The following GALNT17 variants were observed in gnomAD, a reference collection of about 807,000 sequenced individuals.
GALNT17 encodes the protein polypeptide N-acetylgalactosaminyltransferase 17, also known as UDP-GalNAc:polypeptide N-acetylgalactosaminyltransferase-like 3.
GALNT17 carries 29 observed loss-of-function variants against 63.7 expected under a neutral mutation model. The ratio of observed to expected loss-of-function variants is 0.46; its 90% CI spans 0.34 to 0.62. The LOEUF (loss-of-function observed/expected upper bound fraction) is 0.62. GALNT17 is among the 20% of genes least tolerant of loss of function. The probability of loss-of-function intolerance (pLI) is 0.01; values close to 1 mark genes in which losing one functional copy is unlikely to be tolerated. For missense variants in GALNT17, 603 were observed against 799.6 expected, an observed-to-expected ratio of 0.75 and a Z score of 2.97; for synonymous variants, 305 against 318.3, an observed-to-expected ratio of 0.96 and a Z score of 0.45.
intron 5 of GALNT17, among the ~76,000 whole-genome samples, chr7:71,544,644 G>A (rs1788952085): frequency 6.6e-6 from 1 of 152,052 alleles, no homozygotes; most frequent in South Asian, 2.1e-4. Context: ...TTGCCTGGGG[G>A]GAGTAGTTGA....
At chr7:71,697,807 T>A (rs377483820) in intron 9 of GALNT17, among the ~76,000 whole-genome samples, 44 of 152,274 alleles carry the variant, frequency 2.9e-4, no homozygotes, top group Middle Eastern at 3.4e-3. Context: ...TTATTTAGAT[T>A]TTTTTTCTAG....
intron 3 of GALNT17, among the ~76,000 whole-genome samples, chr7:71,391,101 T>C (rs953818135): frequency 2.0e-5 from 3 of 152,024 alleles, no homozygotes; most frequent in South Asian, 2.1e-4. Flanking sequence ...TGGCTGGTGG[T>C]TGAAACTCAG....
intron 1 of GALNT17, among the ~76,000 whole-genome samples, chr7:71,242,276 T>TG (rs1790011706): frequency 8.6e-6 from 1 of 116,388 alleles, no homozygotes; most frequent in Non-Finnish European, 2.0e-5. Flanking sequence ...CTTTTTCTTT[T>TG]TTTTTTTTTT....
chr7:71,248,589 G>GT (rs60583544), intron 1 of GALNT17, among the ~76,000 whole-genome samples: 4,304 of 151,982 alleles, frequency 0.028, 206 homozygotes, highest in African/African-American at 0.098. Flanking sequence ...CATTTTCCTT[G>GT]TTTTTTTTCA....
intron 1 of GALNT17, among the ~76,000 whole-genome samples, chr7:71,217,145 G>T (rs10225364): frequency 0.49 from 60,678 of 123,488 alleles, 14,357 homozygotes; most frequent in East Asian, 0.64. Context: ...TTCGTGTTTT[G>T]TTTTTTTTTT....
chr7:71,189,799 C>G (rs970567661), intron 1 of GALNT17, among the ~76,000 whole-genome samples: 4 of 146,894 alleles, frequency 2.7e-5, no homozygotes, highest in African/African-American at 7.9e-5. Context: ...ATAAAATAAG[C>G]AAGAACCATT....
intron 5 of GALNT17, among the ~76,000 whole-genome samples, chr7:71,485,798 A>AC (rs1787899030): frequency 6.6e-6 from 1 of 152,152 alleles, no homozygotes; most frequent in African/African-American, 2.4e-5. Context: ...CATCCTCTGA[A>AC]ATCCATCAGT....
chr7:71,333,602 T>C (rs6460651), intron 1 of GALNT17, among the ~76,000 whole-genome samples: 98,425 of 151,960 alleles, frequency 0.65, 32,273 homozygotes, highest in African/African-American at 0.75. Flanking sequence ...AGTGCAGCTG[T>C]GGGATTTTTG....
At chr7:71,689,886 A>G (rs1791415354) in intron 9 of GALNT17, among the ~76,000 whole-genome samples, 1 of 152,232 alleles carries the variant, frequency 6.6e-6, no homozygotes, top group Non-Finnish European at 1.5e-5. Context: ...AGTTGAAGCT[A>G]AAGCTCATTT....
At chr7:71,342,733 A>G (rs1158248894) in intron 2 of GALNT17, among the ~76,000 whole-genome samples, 1 of 152,234 alleles carries the variant, frequency 6.6e-6, no homozygotes, top group Admixed American at 6.5e-5. Context: ...CTAAATCTAC[A>G]TCTTCAGTAG....
intron 1 of GALNT17, among the ~76,000 whole-genome samples, chr7:71,301,580 T>C (rs1358224271): frequency 2.0e-5 from 3 of 151,874 alleles, no homozygotes; most frequent in African/African-American, 7.3e-5. Flanking sequence ...ATAATTTCAG[T>C]TAAGTAAGAT....
At chr7:71,298,030 T>C (rs1370529800) in intron 1 of GALNT17, among the ~76,000 whole-genome samples, 5 of 152,176 alleles carry the variant, frequency 3.3e-5, no homozygotes, top group Admixed American at 2.6e-4. Context: ...GTATTTTCTT[T>C]TATTTTTTGA....
chr7:71,523,816 G>T lies in GALNT17; in HGVS notation c.963-47469G>T, dbSNP rs141274809. ...GAAAAGAAAGAAATACACATCCTCAGCCCCCAGATTAAGAAACTCTGGGCT... is the reference window on the plus strand; with the variant it reads ...GAAAAGAAAGAAATACACATCCTCATCCCCCAGATTAAGAAACTCTGGGCT... On this transcript the variant is annotated intron_variant, in intron 5 of 10. Coordinates refer to ENST00000333538, the MANE Select transcript of GALNT17 (RefSeq NM_022479.3). Among the ~76,000 whole-genome samples the T allele has an allele frequency of 1.9e-3, 283 of 150,946 alleles. 2 individuals carry two copies. The highest frequency in any genetic ancestry group is 6.5e-3 in the African/African-American group (267 of 41,288).
intron 6 of GALNT17, among the ~76,000 whole-genome samples, chr7:71,628,501 T>C (rs186438668): frequency 3.9e-5 from 6 of 152,116 alleles, no homozygotes; most frequent in African/African-American, 1.4e-4. Context: ...TTTTGTATTA[T>C]TAGTAGAGAC....
intron 1 of GALNT17, among the ~76,000 whole-genome samples, chr7:71,328,691 G>C (rs980332120): frequency 6.7e-6 from 1 of 149,690 alleles, no homozygotes; most frequent in South Asian, 2.1e-4. Context: ...CTTTGTGGCA[G>C]ATTAAGTGGG....
intron 9 of GALNT17, among the ~76,000 whole-genome samples, chr7:71,709,894 T>C (rs770970428): frequency 2.6e-5 from 4 of 152,212 alleles, no homozygotes; most frequent in African/African-American, 9.6e-5. Flanking sequence ...CCACTGAGCC[T>C]GGCCTAATCT....
intron 9 of GALNT17, among the ~76,000 whole-genome samples, chr7:71,696,668 C>A (rs1791550288): frequency 6.6e-6 from 1 of 152,118 alleles, no homozygotes; most frequent in South Asian, 2.1e-4. Context: ...CTTAGATCAT[C>A]TCAAATGGAA....
chr7:71,149,644 T>G (rs930469693), intron 1 of GALNT17, among the ~76,000 whole-genome samples: 1 of 152,170 alleles, frequency 6.6e-6, no homozygotes, highest in African/African-American at 2.4e-5. Flanking sequence ...AGCCCATAAT[T>G]AGAACAAAAT....
At chr7:71,225,966 G>T (rs1264447316) in intron 1 of GALNT17, among the ~76,000 whole-genome samples, 2 of 152,144 alleles carry the variant, frequency 1.3e-5, no homozygotes, top group African/African-American at 2.4e-5. Context: ...AAAAAATTGT[G>T]TGTATACATA....
Sources: gnomAD v4.1 joint callset for allele counts (sites outside exome capture counted in the v4.1 genomes callset) on GRCh38, gnomAD v4.1.1 for gene constraint, MANE v1.5 for transcripts, NCBI Gene and HGNC (gene_info 2026-07-23, HGNC 2026-07-21) for gene names.